Variants in KCNT2 observed in about 807,000 individuals in gnomAD.
KCNT2 encodes the protein potassium sodium-activated channel subfamily T member 2, also known as potassium channel subfamily T member 2.
Under a neutral mutation model 153.8 loss-of-function variants are expected in KCNT2, and 67 were observed. The observed-to-expected ratio is 0.44, with a 90% CI of 0.36 to 0.53. KCNT2 has a LOEUF of 0.53. Among genes scored for constraint, KCNT2 ranks in the 20% least tolerant of loss-of-function variants. The pLI, the probability that KCNT2 is intolerant of heterozygous loss-of-function variation, is 0.00. For synonymous variants in KCNT2, 500 were observed against 458.8 expected, an observed-to-expected ratio of 1.09 and a Z score of -1.15; for missense variants, 975 against 1,354.8, an observed-to-expected ratio of 0.72 and a Z score of 4.40.
At chr1:196,487,484 A>G (rs1187599599) in intron 3 of KCNT2, among the ~76,000 whole-genome samples, 2 of 150,964 alleles carry the variant, frequency 1.3e-5, no homozygotes, top group African/African-American at 2.4e-5. Flanking sequence ...GTGAATCATT[A>G]TATGGAGAAA....
chr1:196,380,150 C>G (rs1265207338), intron 13 of KCNT2, among the ~76,000 whole-genome samples: 1 of 152,100 alleles, frequency 6.6e-6, no homozygotes, highest in East Asian at 1.9e-4. Flanking sequence ...TGGATATGCA[C>G]AGAAAATAGT....
intron 26 of KCNT2, among the ~76,000 whole-genome samples, chr1:196,245,420 G>A (rs1655350913): frequency 6.6e-6 from 1 of 152,158 alleles, no homozygotes; most frequent in African/African-American, 2.4e-5. Context: ...AGCCCAGATT[G>A]CAAAGAATAC....
At chr1:196,400,201 G>T (rs1042886381) in intron 12 of KCNT2, among the ~76,000 whole-genome samples, 3 of 151,682 alleles carry the variant, frequency 2.0e-5, no homozygotes, top group African/African-American at 7.3e-5. Context: ...TCTGAGGTTT[G>T]AGGGTTATAG....
chr1:196,603,568 C>T (rs962024146), intron 1 of KCNT2, among the ~76,000 whole-genome samples: 4 of 152,070 alleles, frequency 2.6e-5, no homozygotes, highest in Admixed American at 6.6e-5. Flanking sequence ...TTTGTAAATA[C>T]CTCTTAAACT....
intron 1 of KCNT2, among the ~76,000 whole-genome samples, chr1:196,570,895 C>G (rs1203304433): frequency 6.6e-6 from 1 of 152,080 alleles, no homozygotes; most frequent in Non-Finnish European, 1.5e-5. Context: ...ACTAAAAAAT[C>G]AAGTCTTTAT....
At chr1:196,445,101 A>C (rs1675573033) in intron 8 of KCNT2, among the ~76,000 whole-genome samples, 1 of 151,424 alleles carries the variant, frequency 6.6e-6, no homozygotes, top group Admixed American at 6.6e-5. Context: ...TCCAAGAAAT[A>C]ATATAGAAAT....
intron 1 of KCNT2, among the ~76,000 whole-genome samples, chr1:196,561,166 G>C (rs1659328669): frequency 6.6e-6 from 1 of 151,678 alleles, no homozygotes; most frequent in African/African-American, 2.4e-5. Context: ...TAATTAGCTT[G>C]ATTTAATCAT....
chr1:196,603,774 C>G (rs1451925419), intron 1 of KCNT2, among the ~76,000 whole-genome samples: 2 of 152,148 alleles, frequency 1.3e-5, no homozygotes, highest in Admixed American at 1.3e-4. Context: ...TCTTCTATGG[C>G]TACAACTGAG....
At chr1:196,438,035 T>C (rs1006662827) in intron 8 of KCNT2, among the ~76,000 whole-genome samples, 1 of 151,540 alleles carries the variant, frequency 6.6e-6, no homozygotes, top group African/African-American at 2.4e-5. Context: ...AACTTCATGC[T>C]CCTCAAATGA....
chr1:196,310,674 A>G (rs1662081799), intron 21 of KCNT2, among the ~76,000 whole-genome samples: 1 of 151,928 alleles, frequency 6.6e-6, no homozygotes, highest in African/African-American at 2.4e-5. Context: ...CTTTAAAAAA[A>G]CAGAAACAAA....
intron 14 of KCNT2, among the ~76,000 whole-genome samples, chr1:196,372,300 T>C (rs1348222135): frequency 6.6e-6 from 1 of 151,966 alleles, no homozygotes; most frequent in Admixed American, 6.6e-5. Context: ...ATTTTCCTTT[T>C]TCTGGATTTA....
chr1:196,517,068 A>G (rs750995968), intron 1 of KCNT2, among the ~76,000 whole-genome samples: 17 of 152,144 alleles, frequency 1.1e-4, no homozygotes, highest in Admixed American at 3.3e-4. Flanking sequence ...GTATTTGCTT[A>G]CAGCCTTCAT....
chr1:196,375,655 A>C (rs1352985234), intron 13 of KCNT2, among the ~76,000 whole-genome samples: 2 of 151,644 alleles, frequency 1.3e-5, no homozygotes, highest in Non-Finnish European at 3.0e-5. Context: ...GAATTAGAAT[A>C]TTATACTAAC....
At chr1:196,564,310 C>G (rs1217436345) in intron 1 of KCNT2, among the ~76,000 whole-genome samples, 1 of 151,734 alleles carries the variant, frequency 6.6e-6, no homozygotes, top group Non-Finnish European at 1.5e-5. Flanking sequence ...AGTAAAAGAC[C>G]TGTATCTTGC....
At chr1:196,577,109 T>C (rs115098056) in intron 1 of KCNT2, among the ~76,000 whole-genome samples, 8,769 of 152,256 alleles carry the variant, frequency 0.058, 392 homozygotes, top group Non-Finnish European at 0.085. Flanking sequence ...TCTGTAAGAA[T>C]GTACAATATA....
chr1:196,365,409 C>G (rs1028542410), intron 14 of KCNT2, among the ~76,000 whole-genome samples: 1 of 152,164 alleles, frequency 6.6e-6, no homozygotes, highest in African/African-American at 2.4e-5. Flanking sequence ...CTATAAAAAT[C>G]TTCTATGACT....
intron 23 of KCNT2, among the ~76,000 whole-genome samples, chr1:196,284,301 C>T (rs55633678): frequency 0.037 from 3,732 of 101,802 alleles, 220 homozygotes; most frequent in African/African-American, 0.11. Flanking sequence ...CTCTTTCTTC[C>T]GAAGTTTCAG....
At chr1:196,404,175 A>G in intron 12 of KCNT2, 1 of 973,706 alleles carries the variant, frequency 1.0e-6, no homozygotes, top group Non-Finnish European at 1.2e-6. Context: ...TATGCCTCTA[A>G]AGACTGCTCT....
intron 14 of KCNT2, among the ~76,000 whole-genome samples, chr1:196,347,847 C>T (rs763305818): frequency 6.6e-6 from 1 of 152,124 alleles, no homozygotes; most frequent in Non-Finnish European, 1.5e-5. Flanking sequence ...CCATTCTTGA[C>T]CCTCAGCTTA....
Sources: allele counts gnomAD v4.1 joint callset (sites outside exome capture counted in the v4.1 genomes callset), GRCh38; gene constraint gnomAD v4.1.1; transcripts MANE v1.5; gene names NCBI Gene and HGNC (gene_info 2026-07-23, HGNC 2026-07-21).